The following STAB1 variants were observed in gnomAD, a reference collection of about 807,000 sequenced individuals.
STAB1 encodes stabilin 1, also known as stabilin-1.
STAB1 carries 250 observed loss-of-function variants against 332.4 expected under a neutral mutation model. The ratio of observed to expected loss-of-function variants is 0.75; its 90% CI spans 0.68 to 0.84. The LOEUF is 0.84. Among genes scored for constraint, STAB1 ranks in the 40% least tolerant of loss-of-function variants. The pLI, the probability that STAB1 is intolerant of heterozygous loss-of-function variation, is 0.00. For synonymous variants in STAB1, 1,475 were observed against 1,390.4 expected, an observed-to-expected ratio of 1.06 and a Z score of -1.35; for missense variants, 3,249 against 3,489.7, an observed-to-expected ratio of 0.93 and a Z score of 1.74.
rs531522027 is a variant in STAB1, at chr3:52,516,455, A to G, written c.4240+4A>G. ...CAGGGCCTCCGCTGTGACCAGAGTG[A>G]GTGGGTCCCAATGGGGAGGGGGCAG... On this transcript the variant is annotated splice_donor_region_variant and intron_variant, in intron 39 of 68. Coordinates refer to ENST00000321725, the MANE Select transcript of STAB1 (RefSeq NM_015136.3). The G allele has an allele frequency of 6.2e-7, 1 of 1,613,370 alleles. No homozygotes were observed. Among genetic ancestry groups the G allele is most frequent in the Non-Finnish European group, 8.5e-7 (1 of 1,179,790 alleles).
intron 32 of STAB1, 23 bp from the exon 33 acceptor site, chr3:52,514,092 C>G (rs745504894): frequency 6.2e-7 from 1 of 1,612,144 alleles, no homozygotes; most frequent in East Asian, 2.2e-5. Flanking sequence ...TATGCCCATC[C>G]CTGACCTCCA....
At chr3:52,502,316 C>T in intron 5 of STAB1, 88 bp downstream of exon 5, 2 of 1,407,294 alleles carry the variant, frequency 1.4e-6, no homozygotes, top group Non-Finnish European at 2.0e-6. Context: ...CCCACCTGTC[C>T]CTTCAGCCTC....
chr3:52,505,390 G>A lies in STAB1; in HGVS notation c.1581+9G>A, dbSNP rs772322848. The A allele has an allele frequency of 1.1e-5, 18 of 1,612,270 alleles. No homozygotes were observed. The East Asian group carries it at 1.3e-4, about 12-fold the overall frequency. ...TTGAAACCATCCTGGAGGTAAGCTCGGGGGAGGGGTCCTAGCCCATGTGGG... is the reference window on the plus strand; with the variant it reads ...TTGAAACCATCCTGGAGGTAAGCTCAGGGGAGGGGTCCTAGCCCATGTGGG... On this transcript the variant is annotated intron_variant, in intron 14 of 68. Transcript: ENST00000321725.
intron 48 of STAB1, 126 bp downstream of exon 48, chr3:52,518,995 C>A: frequency 8.2e-7 from 1 of 1,223,482 alleles, no homozygotes; most frequent in Non-Finnish European, 1.1e-6. Context: ...GCGCCTCCTG[C>A]TGAGTCCAGC....
chr3:52,504,221 G>A, intron 10 of STAB1, 66 bp downstream of exon 10: 1 of 1,537,566 alleles, frequency 6.5e-7, no homozygotes, highest in Non-Finnish European at 8.7e-7. Context: ...CAGGGAGGGA[G>A]GAGCTGCCTC....
At chr3:52,519,752 C>A in intron 50 of STAB1, 188 bp downstream of exon 50, 3 of 1,128,100 alleles carry the variant, frequency 2.7e-6, no homozygotes, top group Non-Finnish European at 2.5e-6. Flanking sequence ...CATGGGTGTG[C>A]TTATGTGTGC....
Position 52,524,474 on chromosome 3 carries a change from C to CGGATGTGGG in STAB1, c.*119_*127dup. 6.2e-7 allele frequency: 1 copy of CGGATGTGGG among 1,612,698 alleles called. No homozygotes were observed. Among genetic ancestry groups the CGGATGTGGG allele is most frequent in the Non-Finnish European group, 8.5e-7 (1 of 1,179,990 alleles). On this transcript the variant is annotated 3_prime_UTR_variant, in exon 69 of 69. Coordinates refer to ENST00000321725, the MANE Select transcript of STAB1 (RefSeq NM_015136.3). ...TCCCAGACAATAAAGGTGCCCTCAGCGGATGTGGGCCATGTCACCAAGGAA... is the reference window on the plus strand; with the variant it reads ...TCCCAGACAATAAAGGTGCCCTCAGCGGATGTGGGGGATGTGGGCCATGTCACCAAGGAA...
At position 52,516,968 on chromosome 3, in the gene STAB1, G is replaced by T; in HGVS notation, c.4364-16G>T. ...CCGTGCCTGCTCCTGAGGACTCTCT[G>T]GCCATCTCCCCTTAGAGGTGGACCC... On this transcript the variant is annotated splice_polypyrimidine_tract_variant and intron_variant, in intron 41 of 68. Coordinates refer to ENST00000321725, the MANE Select transcript of STAB1 (RefSeq NM_015136.3). 1 of 1,610,308 alleles carries T rather than the reference G, an allele frequency of 6.2e-7. No individual in the cohort carries two copies. The highest frequency in any genetic ancestry group is 1.1e-5 in the South Asian group (1 of 90,752).
Position 52,514,450 on chromosome 3 carries a change from T to C in STAB1, c.3632T>C (p.Leu1211Pro), listed in dbSNP as rs765962012. The C allele has an allele frequency of 1.9e-6, 3 of 1,548,758 alleles. No homozygotes were observed. The highest frequency in any genetic ancestry group is 2.5e-5 in the South Asian group (2 of 79,958). The change falls in exon 34 of 69, where the codon CTC becomes CCC. Residue 1211 changes from leucine (L) to proline (P), a missense_variant. Leu to Pro is a moderately conservative substitution (Grantham distance 98). Coordinates refer to ENST00000321725, the MANE Select transcript of STAB1 (RefSeq NM_015136.3). ...TLRKGGHRNS[L>P]LGPAHWIVFY... Reference sequence around the variant, plus strand: ...CGGAAGGGTGGACACCGCAACTCCCTCCTGGGCCCTGCCCACTGGATCGTC... The same window carrying C: ...CGGAAGGGTGGACACCGCAACTCCCCCCTGGGCCCTGCCCACTGGATCGTC...
In STAB1 at chr3:52,505,800, G is replaced by A. The variant is rs1708810797; in HGVS notation, c.1695+19G>A. 16 of 1,613,740 alleles carry A rather than the reference G, an allele frequency of 9.9e-6. No homozygotes were observed. The highest frequency in any genetic ancestry group is 1.4e-5 in the Non-Finnish European group (16 of 1,180,032). Reference sequence around the variant, plus strand: ...CACAGCGGTAAGCTCAGCGGGAGAAGGGGCTGCGGGTATGGGGGCACCAGG... The same window carrying A: ...CACAGCGGTAAGCTCAGCGGGAGAAAGGGCTGCGGGTATGGGGGCACCAGG... On this transcript the variant is annotated intron_variant, in intron 15 of 68. Coordinates refer to ENST00000321725, the MANE Select transcript of STAB1 (RefSeq NM_015136.3).
rs780169030 is a variant in STAB1 at position 52,505,362 on chromosome 3, G to A, written c.1562G>A (p.Arg521His). Residue 521 changes from arginine to histidine, a missense_variant, in exon 14 of 69, where the codon CGC (arginine) becomes CAC (histidine). Coordinates refer to ENST00000321725, the MANE Select transcript of STAB1 (RefSeq NM_015136.3). ...QILASTEAFS[R>H]FETILENCGL... Reference sequence around the variant, plus strand: ...CTCGCCTCTACCGAGGCCTTCAGCCGCTTTGAAACCATCCTGGAGGTAAGC... The same window carrying A: ...CTCGCCTCTACCGAGGCCTTCAGCCACTTTGAAACCATCCTGGAGGTAAGC... 2.9e-5 allele frequency: 47 copies of A among 1,613,626 alleles called. No individual in the cohort carries two copies. The highest frequency in any genetic ancestry group is 3.5e-5 in the Non-Finnish European group (41 of 1,179,900).
At position 52,519,292 on chromosome 3, in the gene STAB1, G is replaced by A. The variant is rs1196585620; in HGVS notation, c.5063G>A (p.Arg1688His). 1.9e-6 allele frequency: 3 copies of A among 1,612,944 alleles called. No homozygotes were observed. Among genetic ancestry groups the A allele is most frequent in the Non-Finnish European group, 2.5e-6 (3 of 1,179,992 alleles). Reference protein sequence around the residue: ...EGSIYLNDFARVVSSDHEAVN... With the variant: ...EGSIYLNDFAHVVSSDHEAVN... ...AGCATATACCTCAATGACTTCGCGC[G>A]CGTGGTGAGCAGCGACCATGAGGCC... The change falls in exon 49 of 69, where the codon CGC becomes CAC. Residue 1688 changes from arginine to histidine, a missense_variant. By Grantham distance (29) the Arg-to-His change is conservative (BLOSUM62 0). Coordinates refer to ENST00000321725, the MANE Select transcript of STAB1 (RefSeq NM_015136.3).
chr3:52,506,789 C>T lies in STAB1; in HGVS notation c.1928C>T (p.Pro643Leu), dbSNP rs1281688553. 6.2e-7 allele frequency: 1 copy of T among 1,613,074 alleles called. No homozygotes were observed. The highest frequency in any genetic ancestry group is 8.5e-7 in the Non-Finnish European group (1 of 1,179,952). ...CACATGCTGGACGGCATCCTGCTGC[C>T]CCCGACCATCCTGCCCATCCTGCCC... is the stretch of plus-strand genomic sequence containing the variant. ...VIHMLDGILLPPTILPILPKH... is the reference protein window; with the variant it reads ...VIHMLDGILLLPTILPILPKH... The change falls in exon 18 of 69, where the codon CCC (proline) becomes CTC (leucine). Residue 643 changes from proline to leucine, a missense_variant. Coordinates refer to ENST00000321725, the MANE Select transcript of STAB1 (RefSeq NM_015136.3).
chr3:52,506,545 G>GAGAGGT, intron 17 of STAB1, 147 bp from the exon 18 acceptor site: 2 of 902,406 alleles, frequency 2.2e-6, no homozygotes, highest in Non-Finnish European at 3.3e-6. Flanking sequence ...AGAGCTGAAG[G>GAGAGGT]AGAGGTGGCT....
At position 52,522,765 on chromosome 3, in the gene STAB1, G is replaced by A. The variant is rs1443090506; in HGVS notation, c.6745-10G>A. 11 of 1,612,870 alleles carry A rather than the reference G, an allele frequency of 6.8e-6. No homozygotes were observed. The highest frequency in any genetic ancestry group is 9.3e-6 in the Non-Finnish European group (11 of 1,179,930). ...GTCTTGGGTCTTAGTATCCCCTCCT[G>A]TTCCTACAGCTGGGCTTCCACCTGT... On this transcript the variant is annotated splice_polypyrimidine_tract_variant and intron_variant, in intron 61 of 68. Transcript: ENST00000321725.
chr3:52,509,915 G>T lies in STAB1; in HGVS notation c.2393G>T (p.Gly798Val). 6.2e-7 allele frequency: 1 copy of T among 1,613,056 alleles called. No homozygotes were observed. Among genetic ancestry groups the T allele is most frequent in the Non-Finnish European group, 8.5e-7 (1 of 1,180,028 alleles). ...CTCTGCGACAACCGCCCAGGCAGTG[G>T]GGGGGTGTGCCAGCAGGGCACGTGT... Reference protein sequence around the residue: ...HGLCDNRPGSGGVCQQGTCAP... With the variant: ...HGLCDNRPGSVGVCQQGTCAP... The change falls in exon 23 of 69, where the codon GGG (glycine) becomes GTG (valine). Residue 798 changes from glycine (G) to valine (V), a missense_variant. By Grantham distance (109) the Gly-to-Val change is moderately radical. Coordinates refer to ENST00000321725, the MANE Select transcript of STAB1 (RefSeq NM_015136.3).
rs1396268348 is a variant in STAB1, at chr3:52,513,221, G to C, written c.3250G>C (p.Glu1084Gln). The change falls in exon 30 of 69, where the codon GAG becomes CAG. Residue 1084 changes from glutamate to glutamine, a missense_variant. Coordinates refer to ENST00000321725, the MANE Select transcript of STAB1 (RefSeq NM_015136.3). The stretch of plus-strand genomic sequence containing the variant: ...CACCCTGAACCCCACCACACGCTGG[G>C]AGATTCGCAACATTAGTGGGGTATG... ...VATLNPTTRW[E>Q]IRNISGRVWV... 1.3e-6 allele frequency: 2 copies of C among 1,582,476 alleles called. No individual in the cohort carries two copies. Among genetic ancestry groups the C allele is most frequent in the Admixed American group, 1.8e-5 (1 of 54,886 alleles).
At position 52,504,504 on chromosome 3, in the gene STAB1, C is replaced by G. The variant is rs113269624; in HGVS notation, c.1194C>G (p.Thr398=). The part of the protein sequence containing the change: ...REILTTAGPF[T]VLVPSVSSFS... ...TCCTTACCACAGCGGGCCCTTTCACCGTGCTGGTGCCATCCGTCTCCTCCT... is the reference window on the plus strand; with the variant it reads ...TCCTTACCACAGCGGGCCCTTTCACGGTGCTGGTGCCATCCGTCTCCTCCT... Residue 398 remains threonine (T), a synonymous_variant, in exon 11 of 69, where the codon ACC becomes ACG. Transcript: ENST00000321725. The G allele has an allele frequency of 6.2e-5, 100 of 1,614,090 alleles. 3 individuals carry two copies. Among genetic ancestry groups the G allele is most frequent in the African/African-American group, 5.9e-4 (44 of 75,044 alleles).
At position 52,523,232 on chromosome 3, in the gene STAB1, G is replaced by A. The variant is rs957713129; in HGVS notation, c.7031G>A (p.Gly2344Asp). 6.2e-7 allele frequency: 1 copy of A among 1,613,098 alleles called. No individual in the cohort carries two copies. Among genetic ancestry groups the A allele is most frequent in the African/African-American group, 1.3e-5 (1 of 74,932 alleles). ...NFSTFYGMLL[G>D]YANATQRGLD... is the part of the protein sequence containing the mutation. ...TTTCCACCGTGCCAGATGCTATTGG[G>A]CTATGCCAATGCCACCCAGCGGGGT... Residue 2344 changes from glycine (G) to aspartate (D), a missense_variant, in exon 64 of 69, where the codon GGC becomes GAC. Physicochemically the swap from Gly to Asp is moderately conservative, Grantham distance 94. Transcript: ENST00000321725.
Sources: gnomAD v4.1 joint callset for allele counts on GRCh38, gnomAD v4.1.1 for gene constraint, MANE v1.5 for transcripts, NCBI Gene and HGNC (gene_info 2026-07-23, HGNC 2026-07-21) for gene names.